The following P2RY6 variants were observed in gnomAD, a reference collection of about 807,000 sequenced individuals.
P2RY6 encodes the protein pyrimidinergic receptor P2Y6.
Under a neutral mutation model 16.3 loss-of-function variants are expected in P2RY6, and 19 were observed. The ratio of observed to expected loss-of-function variants is 1.16; its 90% CI spans 0.81 to 1.71. The LOEUF (loss-of-function observed/expected upper bound fraction) is 1.71. Among genes scored for constraint, P2RY6 ranks in the 40% most tolerant of loss-of-function variants. P2RY6 has a pLI of 0.00. For missense variants in P2RY6, 389 were observed against 455.5 expected, an observed-to-expected ratio of 0.85 and a Z score of 1.33; for synonymous variants, 184 against 201.5, an observed-to-expected ratio of 0.91 and a Z score of 0.74.
At chr11:73,289,964 G>A (rs1351322169) in intron 1 of P2RY6, among the ~76,000 whole-genome samples, 1 of 152,214 alleles carries the variant, frequency 6.6e-6, no homozygotes, top group African/African-American at 2.4e-5. Context: ...GCTCACGCCT[G>A]TAATCCCAGC....
chr11:73,273,179 C>T (rs528710255), intron 1 of P2RY6, among the ~76,000 whole-genome samples: 1 of 151,990 alleles, frequency 6.6e-6, no homozygotes, highest in South Asian at 2.1e-4. Context: ...TAAAACTTTT[C>T]CAGAGTTTCT....
chr11:73,291,484 G>A (rs1377545664), intron 1 of P2RY6, among the ~76,000 whole-genome samples: 1 of 152,218 alleles, frequency 6.6e-6, no homozygotes, highest in African/African-American at 2.4e-5. Context: ...CCAACCAGGA[G>A]GTCCACACTC....
chr11:73,292,966 CGGGGGGTG>C, intron 1 of P2RY6: 3 of 18,224 alleles, frequency 1.6e-4, no homozygotes, highest in Non-Finnish European at 2.1e-4. Flanking sequence ...GCAGGGGTTG[CGGGGGGTG>C]GGGGGGGGAG....
intron 1 of P2RY6, among the ~76,000 whole-genome samples, chr11:73,293,080 C>A (rs932184976): frequency 2.6e-5 from 4 of 152,062 alleles, no homozygotes; most frequent in African/African-American, 9.7e-5. Flanking sequence ...GGAAGGGATT[C>A]CACCCAGCTG....
At position 73,291,267 on chromosome 11, in the gene P2RY6, G is replaced by A. The variant is rs116268980; in HGVS notation, c.-120-4463G>A. ...CCCATCCATCCAGGTTGCAGGGACT[G>A]AGACCACTTAGGCTTCTTACCCAAG... On this transcript the variant is annotated intron_variant, in intron 1 of 2. Coordinates refer to ENST00000540124, the MANE Select transcript of P2RY6 (RefSeq NM_001277204.2). Among the ~76,000 whole-genome samples, 1,040 of 152,322 alleles carry A rather than the reference G, an allele frequency of 6.8e-3. 12 individuals carry two copies. Among genetic ancestry groups the A allele is most frequent in the African/African-American group, 0.024 (977 of 41,564 alleles).
chr11:73,290,295 AAAG>A (rs1443102957), intron 1 of P2RY6, among the ~76,000 whole-genome samples: 4 of 131,092 alleles, frequency 3.1e-5, no homozygotes, highest in East Asian at 2.1e-4. Context: ...AGAAAGAAAG[AAAG>A]AAAGAAAAGA....
At chr11:73,281,576 G>C (rs1440700956) in intron 1 of P2RY6, among the ~76,000 whole-genome samples, 2 of 152,234 alleles carry the variant, frequency 1.3e-5, no homozygotes, top group African/African-American at 2.4e-5. Flanking sequence ...ACTGTGCTGG[G>C]CACAAGGGCC....
At chr11:73,270,579 C>T (rs559961403), upstream of P2RY6, among the ~76,000 whole-genome samples, 9 of 152,184 alleles carry the variant, frequency 5.9e-5, no homozygotes, top group African/African-American at 1.9e-4. Flanking sequence ...AGCGCCCTCT[C>T]GCCTACTGGG....
chr11:73,290,548 G>C (rs1308585402), intron 1 of P2RY6, among the ~76,000 whole-genome samples: 3 of 152,244 alleles, frequency 2.0e-5, no homozygotes, highest in African/African-American at 7.2e-5. Flanking sequence ...CCTCTTTGCA[G>C]AGCTCATCCA....
chr11:73,279,140 C>G (rs891301319), intron 1 of P2RY6, among the ~76,000 whole-genome samples: 1 of 150,498 alleles, frequency 6.6e-6, no homozygotes, highest in Non-Finnish European at 1.5e-5. Context: ...TGTTGAGCAT[C>G]TTTTCATATG....
chr11:73,281,029 G>A (rs555184271), intron 1 of P2RY6, among the ~76,000 whole-genome samples: 18 of 152,286 alleles, frequency 1.2e-4, no homozygotes, highest in African/African-American at 4.1e-4. Context: ...GCCGTGGGGT[G>A]AGAGAAGAGG....
chr11:73,276,432 A>G (rs951923875), intron 1 of P2RY6, among the ~76,000 whole-genome samples: 3 of 152,260 alleles, frequency 2.0e-5, no homozygotes, highest in Non-Finnish European at 2.9e-5. Context: ...CAACAGCATT[A>G]TTCATAATAG....
chr11:73,285,595 T>C lies in P2RY6; in HGVS notation c.-120-10135T>C, dbSNP rs113909641. On this transcript the variant is annotated intron_variant, in intron 1 of 2. Coordinates refer to ENST00000540124, the MANE Select transcript of P2RY6 (RefSeq NM_001277204.2). Reference sequence around the variant, plus strand: ...GTTTGGCGACAGGCAGTCCTGCTGATTGGAAGATCACTGACGGATTGGTGG... The same window carrying C: ...GTTTGGCGACAGGCAGTCCTGCTGACTGGAAGATCACTGACGGATTGGTGG... Among the ~76,000 whole-genome samples the C allele has an allele frequency of 3.4e-3, 511 of 152,300 alleles. 7 individuals are homozygous for C. Among genetic ancestry groups the C allele is most frequent in the African/African-American group, 0.011 (444 of 41,560 alleles).
intron 1 of P2RY6, among the ~76,000 whole-genome samples, chr11:73,294,580 G>A (rs1565173500): frequency 6.6e-6 from 1 of 152,198 alleles, no homozygotes; most frequent in African/African-American, 2.4e-5. Flanking sequence ...TAGCATATGG[G>A]CTAAAGTCCC....
At chr11:73,269,773 T>G (rs543540062), upstream of P2RY6, 2 of 152,384 alleles carry the variant, frequency 1.3e-5, no homozygotes, top group African/African-American at 2.4e-5. Flanking sequence ...GGGGCCTGAC[T>G]GGGGTTGGTG....
chr11:73,291,262 G>A (rs1864234297), intron 1 of P2RY6, among the ~76,000 whole-genome samples: 1 of 152,168 alleles, frequency 6.6e-6, no homozygotes, highest in Admixed American at 6.5e-5. Flanking sequence ...CAGGTTGCAG[G>A]GACTGAGACC....
chr11:73,284,679 C>T (rs1267848466), intron 1 of P2RY6, among the ~76,000 whole-genome samples: 1 of 152,166 alleles, frequency 6.6e-6, no homozygotes, highest in Non-Finnish European at 1.5e-5. Context: ...CATGAATAGC[C>T]TCAAGCCAAG....
intron 1 of P2RY6, among the ~76,000 whole-genome samples, chr11:73,274,610 C>T (rs756162147): frequency 6.6e-6 from 1 of 151,944 alleles, no homozygotes; most frequent in Non-Finnish European, 1.5e-5. Context: ...TATTGTTATT[C>T]CTATTTTGCA....
upstream of P2RY6, chr11:73,270,282 G>C (rs1863246140): frequency 6.6e-6 from 1 of 152,194 alleles, no homozygotes; most frequent in Admixed American, 6.5e-5. Flanking sequence ...TCATGAGCTG[G>C]GGTTGCAAGG....
Sources: allele counts gnomAD v4.1 joint callset (sites outside exome capture counted in the v4.1 genomes callset), GRCh38; gene constraint gnomAD v4.1.1; transcripts MANE v1.5; gene names NCBI Gene and HGNC (gene_info 2026-07-23, HGNC 2026-07-21).